The following CDIN1 variants were observed in gnomAD, a reference collection of about 807,000 sequenced individuals.
CDIN1 encodes CDAN1-interacting nuclease 1.
CDIN1 carries 33 observed loss-of-function variants against 45.3 expected under a neutral mutation model. The observed-to-expected ratio is 0.73, with a 90% CI of 0.55 to 0.97. The LOEUF (loss-of-function observed/expected upper bound fraction) is 0.97. Ranked by LOEUF, CDIN1 falls within the 50% of genes least tolerant of loss-of-function variation. The pLI is 0.00. For synonymous variants in CDIN1, 118 were observed against 124.4 expected (o/e 0.95, Z 0.34); for missense variants, 303 against 339.4 (o/e 0.89, Z 0.84).
At chr15:36,712,862 G>A (rs1054317901) in intron 10 of CDIN1, among the ~76,000 whole-genome samples, 2 of 152,014 alleles carry the variant, frequency 1.3e-5, no homozygotes, top group Non-Finnish European at 2.9e-5. Flanking sequence ...CAGAGTTAAA[G>A]GAGATAAAGA....
At chr15:36,713,361 T>C (rs1461788489) in intron 10 of CDIN1, among the ~76,000 whole-genome samples, 4 of 152,176 alleles carry the variant, frequency 2.6e-5, no homozygotes, top group Non-Finnish European at 5.9e-5. Context: ...TAGAGACATC[T>C]CTTTAAAACC....
chr15:36,793,037 C>G (rs372585999), intron 10 of CDIN1, among the ~76,000 whole-genome samples: 1 of 152,230 alleles, frequency 6.6e-6, no homozygotes, highest in East Asian at 1.9e-4. Flanking sequence ...AGTATCTCCC[C>G]CCTCTTACCC....
chr15:36,670,412 T>A (rs1183486868), intron 5 of CDIN1, among the ~76,000 whole-genome samples: 1 of 152,122 alleles, frequency 6.6e-6, no homozygotes, highest in Non-Finnish European at 1.5e-5. Flanking sequence ...AAAAGTAAAT[T>A]TCCTCAATCT....
chr15:36,705,547 G>A (rs1332945894), intron 8 of CDIN1: 2 of 152,002 alleles, frequency 1.3e-5, no homozygotes, highest in Non-Finnish European at 2.9e-5. Flanking sequence ...ACTTCTCTAG[G>A]CCAGTTATAT....
At chr15:36,587,195 A>C (rs1384931161) in intron 1 of CDIN1, among the ~76,000 whole-genome samples, 2 of 151,516 alleles carry the variant, frequency 1.3e-5, no homozygotes, top group African/African-American at 4.9e-5. Flanking sequence ...ATTTTGAAGC[A>C]TGTTTTTTTT....
At chr15:36,653,674 G>A (rs1055746617) in intron 3 of CDIN1, among the ~76,000 whole-genome samples, 11 of 152,184 alleles carry the variant, frequency 7.2e-5, no homozygotes, top group Admixed American at 5.9e-4. Context: ...TTAATAAGGT[G>A]TCAAGCAGCC....
intron 5 of CDIN1, among the ~76,000 whole-genome samples, chr15:36,674,512 T>TA (rs1479936459): frequency 2.0e-5 from 3 of 152,164 alleles, no homozygotes; most frequent in Non-Finnish European, 4.4e-5. Flanking sequence ...ACAAGAACCT[T>TA]AATGTTCACT....
intron 10 of CDIN1, among the ~76,000 whole-genome samples, chr15:36,725,081 A>T (rs531003642): frequency 4.7e-4 from 72 of 152,226 alleles, no homozygotes; most frequent in African/African-American, 1.5e-3. Context: ...CTGCAATGTG[A>T]TGGCTTGTTG....
At chr15:36,741,518 G>A (rs1225338596) in intron 10 of CDIN1, among the ~76,000 whole-genome samples, 1 of 150,210 alleles carries the variant, frequency 6.7e-6, no homozygotes, top group South Asian at 2.1e-4. Context: ...TGATGCTCTA[G>A]GGGTCCTAGT....
rs947890706 is a variant in CDIN1, at chr15:36,697,406, A to C, written c.544+16A>C. 5 of 1,592,436 alleles carry C rather than the reference A, an allele frequency of 3.1e-6. No individual in the cohort carries two copies. Among genetic ancestry groups the C allele is most frequent in the Non-Finnish European group, 3.4e-6 (4 of 1,167,074 alleles). ...TCCTTCCTAGGTAAGTATTATTCAC[A>C]TCTTCTCTAGCTTGTGTTGTCTCCC... is the stretch of plus-strand genomic sequence containing the variant. On this transcript the variant is annotated intron_variant, in intron 8 of 10. Transcript: ENST00000566621.
At chr15:36,763,699 T>C (rs2053837640) in intron 10 of CDIN1, among the ~76,000 whole-genome samples, 2 of 151,974 alleles carry the variant, frequency 1.3e-5, no homozygotes, top group Non-Finnish European at 2.9e-5. Context: ...AGCTTGAGAG[T>C]TGGCATCAAG....
At chr15:36,759,106 C>A (rs148626601) in intron 10 of CDIN1, among the ~76,000 whole-genome samples, 3 of 152,168 alleles carry the variant, frequency 2.0e-5, no homozygotes, top group African/African-American at 7.2e-5. Context: ...AGGTTTTCAT[C>A]GAGAGCAGAA....
At chr15:36,648,039 C>T in intron 3 of CDIN1, among the ~76,000 whole-genome samples, 1 of 151,984 alleles carries the variant, frequency 6.6e-6, no homozygotes, top group Non-Finnish European at 1.5e-5. Flanking sequence ...CGGGGTTTCA[C>T]CGTGTTAGCC....
At chr15:36,650,402 TTTTA>T (rs138686194) in intron 3 of CDIN1, among the ~76,000 whole-genome samples, 55,231 of 141,874 alleles carry the variant, frequency 0.39, 11,230 homozygotes, top group South Asian at 0.46. Flanking sequence ...TTGAGAAAAT[TTTTA>T]TTTATTTATT....
At chr15:36,634,675 T>G (rs2039821320) in intron 1 of CDIN1, among the ~76,000 whole-genome samples, 1 of 152,210 alleles carries the variant, frequency 6.6e-6, no homozygotes, top group African/African-American at 2.4e-5. Flanking sequence ...GAGGGTTTGT[T>G]TGTTGTATTC....
chr15:36,634,117 A>T (rs963729815), intron 1 of CDIN1, among the ~76,000 whole-genome samples: 1 of 152,070 alleles, frequency 6.6e-6, no homozygotes, highest in Admixed American at 6.5e-5. Context: ...TATGCTCTTC[A>T]GTAATGTTTT....
At chr15:36,772,728 C>A (rs1031922008) in intron 10 of CDIN1, among the ~76,000 whole-genome samples, 1 of 152,070 alleles carries the variant, frequency 6.6e-6, no homozygotes, top group African/African-American at 2.4e-5. Context: ...CAGAGGGTGA[C>A]CTTTTCCAGT....
At chr15:36,651,652 CA>C (rs1224196273) in intron 3 of CDIN1, among the ~76,000 whole-genome samples, 1 of 152,142 alleles carries the variant, frequency 6.6e-6, no homozygotes. Flanking sequence ...ATGTATGTGG[CA>C]CCTCACTAGG....
intron 10 of CDIN1, among the ~76,000 whole-genome samples, chr15:36,741,415 G>A (rs562901393): frequency 6.7e-6 from 1 of 149,100 alleles, no homozygotes; most frequent in East Asian, 2.0e-4. Context: ...TGACATCATT[G>A]TCTTCATCAA....
Sources: gnomAD v4.1 joint callset for allele counts (sites outside exome capture counted in the v4.1 genomes callset) on GRCh38, gnomAD v4.1.1 for gene constraint, MANE v1.5 for transcripts, NCBI Gene and HGNC (gene_info 2026-07-23, HGNC 2026-07-21) for gene names.